Variants in USP43 observed in about 807,000 individuals in gnomAD.
USP43 encodes the protein ubiquitin carboxyl-terminal hydrolase 43.
Under a neutral mutation model 90.7 loss-of-function variants are expected in USP43, and 33 were observed. That is an observed-to-expected ratio of 0.36 (90% CI 0.28 to 0.49). USP43 has a LOEUF of 0.49. Ranked by LOEUF, USP43 falls within the 20% of genes least tolerant of loss-of-function variation. The pLI is 0.98. For synonymous variants in USP43, 598 were observed against 615.8 expected, an observed-to-expected ratio of 0.97 and a Z score of 0.43; for missense variants, 1,274 against 1,476.4, an observed-to-expected ratio of 0.86 and a Z score of 2.25.
At chr17:9,649,716 A>C (rs77138733) in intron 1 of USP43, among the ~76,000 whole-genome samples, 7,063 of 151,626 alleles carry the variant, frequency 0.047, 460 homozygotes, top group African/African-American at 0.15. Context: ...TAGAAAAAAA[A>C]AGAGATCTGT....
chr17:9,672,180 A>G (rs942909449), intron 3 of USP43, among the ~76,000 whole-genome samples: 2 of 152,068 alleles, frequency 1.3e-5, no homozygotes, highest in African/African-American at 4.8e-5. Context: ...TATTTTTAGT[A>G]GAGATGGGGT....
At chr17:9,667,152 A>G (rs1011228652) in intron 3 of USP43, among the ~76,000 whole-genome samples, 1 of 152,120 alleles carries the variant, frequency 6.6e-6, no homozygotes, top group East Asian at 1.9e-4. Flanking sequence ...GGAGGATATA[A>G]AAATGTATGT....
rs745629409 is a variant in USP43 at position 9,693,176 on chromosome 17, G to A, written c.1403G>A (p.Cys468Tyr). ...CGTGTTGTGGGACTCTCTGTGGCCTGCAGCTATTTGTCTCCGAAGGACAGT... is the reference window on the plus strand; with the variant it reads ...CGTGTTGTGGGACTCTCTGTGGCCTACAGCTATTTGTCTCCGAAGGACAGT... ...SIRVVGLSVA[C>Y]SYLSPKDSRP... The change falls in exon 9 of 15, where the codon TGC (cysteine) becomes TAC (tyrosine). Residue 468 changes from cysteine (C) to tyrosine (Y), a missense_variant. By Grantham distance (194) the Cys-to-Tyr change is radical (BLOSUM62 -2). This residue lies in a region of USP43 where 253 missense variants were observed against 276.0 expected (regional missense o/e 0.92). Transcript: ENST00000285199. 3 of 1,613,712 alleles carry A rather than the reference G, an allele frequency of 1.9e-6. No individual in the cohort carries two copies. The highest frequency in any genetic ancestry group is 2.5e-6 in the Non-Finnish European group (3 of 1,179,826).
Position 9,691,397 on chromosome 17 carries a change from C to T in USP43, c.1354-1730C>T, listed in dbSNP as rs141477641. 3.0e-3 allele frequency among the ~76,000 whole-genome samples: 456 copies of T among 152,212 alleles called. 1 individual carries two copies. The highest frequency in any genetic ancestry group is 6.2e-3 in the Admixed American group (95 of 15,302). ...CCTCCCAGAGTGCTGGGATTACAGG[C>T]GTGAGCCACCGCGCTGGGCTGCCTT... On this transcript the variant is annotated intron_variant, in intron 8 of 14. Transcript: ENST00000285199.
intron 6 of USP43, among the ~76,000 whole-genome samples, chr17:9,682,027 G>A (rs553111657): frequency 1.0e-3 from 158 of 152,208 alleles, no homozygotes; most frequent in African/African-American, 3.7e-3. Flanking sequence ...TTCAATCATG[G>A]TGGACACATC....
At position 9,645,661 on chromosome 17, in the gene USP43, G is replaced by A. The variant is rs1195395452; in HGVS notation, c.29G>A (p.Gly10Glu). 6.3e-6 allele frequency: 8 copies of A among 1,268,714 alleles called. No individual in the cohort carries two copies. Among genetic ancestry groups the A allele is most frequent in the East Asian group, 3.3e-5 (1 of 30,020 alleles). 78.6% of individuals were successfully genotyped at this position (1,268,714 alleles called of 1,614,324 possible). MDLGPGDAA[G>E]GGPLAPRPRR... ...GACCTGGGCCCCGGGGACGCGGCAG[G>A]AGGGGGACCGCTCGCGCCCCGGCCC... Residue 10 changes from glycine (G) to glutamate (E), a missense_variant, in exon 1 of 15, where the codon GGA (glycine) becomes GAA (glutamate). Physicochemically the swap from Gly to Glu is moderately conservative, Grantham distance 98. Coordinates refer to ENST00000285199, the MANE Select transcript of USP43 (RefSeq NM_153210.5). The surrounding 1 kb of genome is among the most constrained non-coding windows in gnomAD (Gnocchi z 6.8).
intron 9 of USP43, among the ~76,000 whole-genome samples, chr17:9,693,938 A>G (rs897745675): frequency 6.6e-6 from 1 of 152,208 alleles, no homozygotes. Context: ...TGAAGATTCT[A>G]CAGCTGATTC....
chr17:9,703,266 C>T (rs1032049697), intron 12 of USP43, among the ~76,000 whole-genome samples: 1 of 151,966 alleles, frequency 6.6e-6, no homozygotes, highest in Non-Finnish European at 1.5e-5. Flanking sequence ...GGAACCTGGG[C>T]CTTGTCATTT....
intron 14 of USP43, among the ~76,000 whole-genome samples, chr17:9,720,593 A>G (rs113600279): frequency 0.049 from 7,439 of 151,840 alleles, 246 homozygotes; most frequent in East Asian, 0.093. Flanking sequence ...GGTTCAAGCA[A>G]TTCTCCTGCC....
Position 9,680,306 on chromosome 17 carries a change from G to A in USP43, c.1045G>A (p.Glu349Lys), listed in dbSNP as rs1208796939. Residue 349 changes from glutamate to lysine, a missense_variant, in exon 6 of 15, where the codon GAG becomes AAG. Physicochemically the swap from Glu to Lys is moderately conservative, Grantham distance 56. Coordinates refer to ENST00000285199, the MANE Select transcript of USP43 (RefSeq NM_153210.5). ...TGAAGAGGACCTGAATACCATCGCA[G>A]AGGGAGATAATGTGTATGCCTTTCA... ...FDEEDLNTIAEGDNVYAFQVP... is the reference protein window; with the variant it reads ...FDEEDLNTIAKGDNVYAFQVP... The A allele has an allele frequency of 6.2e-7, 1 of 1,613,982 alleles. No individual in the cohort carries two copies. Among genetic ancestry groups the A allele is most frequent in the South Asian group, 1.1e-5 (1 of 91,084 alleles).
intron 3 of USP43, among the ~76,000 whole-genome samples, chr17:9,672,406 C>G (rs1265561277): frequency 6.6e-6 from 1 of 152,192 alleles, no homozygotes; most frequent in Non-Finnish European, 1.5e-5. Context: ...AGTCATATTC[C>G]TGAACCAGTT....
chr17:9,722,223 A>G (rs1290630658), intron 14 of USP43, among the ~76,000 whole-genome samples: 1 of 152,032 alleles, frequency 6.6e-6, no homozygotes, highest in African/African-American at 2.4e-5. Flanking sequence ...TACTTTGTCC[A>G]AGTTTAATAA....
intron 12 of USP43, among the ~76,000 whole-genome samples, chr17:9,708,079 G>A (rs1430048967): frequency 7.0e-6 from 1 of 142,124 alleles, no homozygotes; most frequent in African/African-American, 2.9e-5. Flanking sequence ...GGGATGAATT[G>A]CATTATGAGC....
At chr17:9,703,592 C>T (rs892136963) in intron 12 of USP43, among the ~76,000 whole-genome samples, 1 of 152,212 alleles carries the variant, frequency 6.6e-6, no homozygotes, top group Non-Finnish European at 1.5e-5. Flanking sequence ...CTGTTTAATA[C>T]TAAAAGCAAA....
rs1425697091 is a variant in USP43 at position 9,716,851 on chromosome 17, T to C, written c.2335+4719T>C. ...ATTTCCCTTATTAAAATTTCTTACA[T>C]TGAGCCAGGTGCGGTGGCACATGCC... is the stretch of plus-strand genomic sequence containing the variant. On this transcript the variant is annotated intron_variant, in intron 14 of 14. Coordinates refer to ENST00000285199, the MANE Select transcript of USP43 (RefSeq NM_153210.5). 5.9e-5 allele frequency among the ~76,000 whole-genome samples: 9 copies of C among 152,290 alleles called. No individual in the cohort carries two copies. In the East Asian group the frequency reaches 1.7e-3, roughly 29 times the overall value.
chr17:9,646,175 G>C (rs1459565037), intron 1 of USP43, 39 bp downstream of exon 1: 1 of 1,390,758 alleles, frequency 7.2e-7, no homozygotes, highest in African/African-American at 1.5e-5. Context: ...TGTCCCCCTG[G>C]TTTCGCCTCT....
At chr17:9,717,180 C>G (rs1916625460) in intron 14 of USP43, among the ~76,000 whole-genome samples, 1 of 149,550 alleles carries the variant, frequency 6.7e-6, no homozygotes, top group Non-Finnish European at 1.5e-5. Flanking sequence ...AAAAAAAAGT[C>G]CTTACATTGT....
chr17:9,674,760 C>G lies in USP43; in HGVS notation c.741-131C>G, dbSNP rs577367220. ...GTACAAGTATTTGAACACCTGTTCT[C>G]AATTCTTCTGGGTATGTACCTACGA... is the stretch of plus-strand genomic sequence containing the variant. On this transcript the variant is annotated intron_variant, in intron 3 of 14. Transcript: ENST00000285199. This position sits in a 1 kb window ranked among gnomAD's most constrained non-coding sequence, Gnocchi z 4.4. 3.9e-5 allele frequency: 30 copies of G among 760,612 alleles called. No homozygotes were observed. Among genetic ancestry groups the G allele is most frequent in the Non-Finnish European group, 6.0e-5 (26 of 434,982 alleles). The allele number at this position is 760,612 out of a possible 1,614,324, so 47.1% of individuals were successfully genotyped here. A position where few individuals can be genotyped will look rare whatever the true frequency, so the allele number is the denominator to read the frequency against.
chr17:9,687,959 G>A (rs543077737), intron 8 of USP43, among the ~76,000 whole-genome samples: 1 of 152,208 alleles, frequency 6.6e-6, no homozygotes, highest in East Asian at 1.9e-4. Flanking sequence ...ACTGATTATC[G>A]CAATGGATGA....
Sources: allele counts gnomAD v4.1 joint callset (sites outside exome capture counted in the v4.1 genomes callset), GRCh38; gene constraint gnomAD v4.1.1; regional missense constraint gnomAD v4.1.1; non-coding constraint Gnocchi (gnomAD v3.1); transcripts MANE v1.5; gene names NCBI Gene and HGNC (gene_info 2026-07-23, HGNC 2026-07-21).